The following DOT1L variants were observed in gnomAD, a reference collection of about 807,000 sequenced individuals.
DOT1L encodes histone-lysine N-methyltransferase, H3 lysine-79 specific.
A neutral mutation model predicts 153.3 loss-of-function variants in DOT1L; 33 were observed. The ratio of observed to expected loss-of-function variants is 0.22; its 90% CI spans 0.16 to 0.29. The LOEUF (loss-of-function observed/expected upper bound fraction) is 0.29. Among genes scored for constraint, DOT1L ranks in the 10% least tolerant of loss-of-function variants. The pLI is 1.00. For synonymous variants in DOT1L, 1,135 were observed against 965.1 expected (o/e 1.18, Z -3.26); for missense variants, 1,847 against 2,119.9 (o/e 0.87, Z 2.53).
intron 7 of DOT1L, among the ~76,000 whole-genome samples, chr19:2,198,749 C>T (rs2023126413): frequency 6.6e-6 from 1 of 152,230 alleles, no homozygotes. Flanking sequence ...GCATGAATCC[C>T]CTTCCTGTCT....
chr19:2,174,662 C>G (rs972837624), intron 1 of DOT1L, among the ~76,000 whole-genome samples: 11 of 151,994 alleles, frequency 7.2e-5, no homozygotes, highest in African/African-American at 2.7e-4. Context: ...GCTGTTCACC[C>G]AGGCTGGAGT....
chr19:2,192,510 T>C (rs1422440992), intron 5 of DOT1L, among the ~76,000 whole-genome samples: 2 of 151,574 alleles, frequency 1.3e-5, no homozygotes, highest in African/African-American at 4.9e-5. Context: ...TTCCCTCTAC[T>C]AAAAGTACAA....
rs904171137 is a variant in DOT1L at position 2,214,847 on chromosome 19, C to G, written c.1923+251C>G. Among the ~76,000 whole-genome samples the G allele has an allele frequency of 2.6e-5, 4 of 152,138 alleles. No homozygotes were observed. The South Asian group carries it at 8.3e-4, about 32-fold the overall frequency. ...GCTTGGCTGAATGCGCAGCGCTAAC[C>G]TAGGATTTCCTGATTTCCTGGCTGC... On this transcript the variant is annotated intron_variant, in intron 19 of 27. Coordinates refer to ENST00000398665, the MANE Select transcript of DOT1L (RefSeq NM_032482.3).
chr19:2,182,083 C>T (rs1218424106), intron 2 of DOT1L, among the ~76,000 whole-genome samples: 5 of 151,976 alleles, frequency 3.3e-5, no homozygotes, highest in Non-Finnish European at 5.9e-5. Flanking sequence ...AAAAATTAGC[C>T]GGGTGAGGTA....
intron 24 of DOT1L, among the ~76,000 whole-genome samples, chr19:2,223,062 G>A (rs1599617385): frequency 1.3e-5 from 2 of 151,986 alleles, no homozygotes; most frequent in Admixed American, 6.6e-5. Context: ...TAGTGGTGGT[G>A]GGCACATCAG....
intron 3 of DOT1L, among the ~76,000 whole-genome samples, chr19:2,187,901 G>A (rs527414266): frequency 1.3e-4 from 18 of 141,374 alleles, no homozygotes; most frequent in Non-Finnish European, 1.7e-4. Flanking sequence ...CAGCCTGGGT[G>A]ACAGAGCGAG....
In DOT1L at chr19:2,217,219, T is replaced by A; in HGVS notation, c.2544+129T>A. On this transcript the variant is annotated intron_variant, in intron 21 of 27. Coordinates refer to ENST00000398665, the MANE Select transcript of DOT1L (RefSeq NM_032482.3). This position sits in a 1 kb window ranked among gnomAD's most constrained non-coding sequence, Gnocchi z 7.3. Reference sequence around the variant, plus strand: ...GTGAGGTACTGGGGCTGACCTGGAGTAGGATGTTGTGGCAGAGTTGGGGGC... The same window carrying A: ...GTGAGGTACTGGGGCTGACCTGGAGAAGGATGTTGTGGCAGAGTTGGGGGC... The A allele has an allele frequency of 7.6e-7, 1 of 1,310,538 alleles. No individual in the cohort carries two copies. The highest frequency in any genetic ancestry group is 1.0e-6 in the Non-Finnish European group (1 of 992,210). The allele number at this position is 1,310,538 out of a possible 1,614,324, so 81.2% of individuals were successfully genotyped here.
At chr19:2,194,613 G>A (rs962949039) in intron 7 of DOT1L, 36 bp downstream of exon 7, 3 of 1,598,494 alleles carry the variant, frequency 1.9e-6, no homozygotes, top group African/African-American at 1.3e-5. Flanking sequence ...TCCCATCGCC[G>A]GCCCCACCCC....
chr19:2,224,460 T>G (rs1015542667), intron 25 of DOT1L, among the ~76,000 whole-genome samples: 3 of 151,266 alleles, frequency 2.0e-5, no homozygotes, highest in African/African-American at 7.3e-5. Context: ...TAGGGTTTTT[T>G]GCTTTTTTTT....
At chr19:2,210,340 G>A in intron 12 of DOT1L, 60 bp from the exon 13 acceptor site, 1 of 1,407,136 alleles carries the variant, frequency 7.1e-7, no homozygotes, top group Non-Finnish European at 9.4e-7. Flanking sequence ...GTGCCTCTCG[G>A]TGCAGGAGGG....
rs574807023 is a variant in DOT1L at position 2,201,415 on chromosome 19, T to G, written c.708-1285T>G. ...CATGCCTCTCGTCCTCCCCGCACCC[T>G]CGCTCCTGCTGTCTTCCCTGTGCTC... On this transcript the variant is annotated intron_variant, in intron 8 of 27. Transcript: ENST00000398665. Among the ~76,000 whole-genome samples the G allele has an allele frequency of 3.2e-4, 49 of 152,294 alleles. No individual in the cohort carries two copies. The South Asian group carries it at 0.01, about 32-fold the overall frequency.
intron 23 of DOT1L, chr19:2,221,691 G>A (rs1448199189): frequency 4.3e-6 from 2 of 466,936 alleles, no homozygotes; most frequent in African/African-American, 3.9e-5. Context: ...TCAGCGGGGA[G>A]CCCGCACCAG....
chr19:2,186,842 C>G (rs1217451075), intron 3 of DOT1L, among the ~76,000 whole-genome samples: 1 of 152,250 alleles, frequency 6.6e-6, no homozygotes, highest in African/African-American at 2.4e-5. Context: ...TCGCCACCCC[C>G]CCTCATTGGG....
At chr19:2,173,182 T>A (rs2021738596) in intron 1 of DOT1L, among the ~76,000 whole-genome samples, 1 of 151,926 alleles carries the variant, frequency 6.6e-6, no homozygotes, top group African/African-American at 2.4e-5. Flanking sequence ...AGTCCCGCGC[T>A]TTCCTCCTTC....
chr19:2,221,917 G>A, intron 23 of DOT1L, 59 bp from the exon 24 acceptor site: 2 of 1,493,146 alleles, frequency 1.3e-6, no homozygotes, highest in Non-Finnish European at 9.0e-7. Flanking sequence ...TGCTCCCACA[G>A]CAAGGCTTTC....
rs2144814504 is a variant in DOT1L at position 2,207,517 on chromosome 19, C to T, written c.857-57C>T. ...ACGCCTGCCCTGGGGTGGGTGAGGT[C>T]TGCATGGAGGGGCTGTGGGCAGGCG... On this transcript the variant is annotated intron_variant, in intron 10 of 27. Coordinates refer to ENST00000398665, the MANE Select transcript of DOT1L (RefSeq NM_032482.3). This position sits in a 1 kb window ranked among gnomAD's most constrained non-coding sequence, Gnocchi z 4.5. The T allele has an allele frequency of 1.3e-6, 2 of 1,495,288 alleles. No homozygotes were observed. Among genetic ancestry groups the T allele is most frequent in the South Asian group, 1.2e-5 (1 of 84,874 alleles). 92.6% of individuals were successfully genotyped at this position (1,495,288 alleles called of 1,614,324 possible).
intron 1 of DOT1L, among the ~76,000 whole-genome samples, chr19:2,166,475 C>T (rs1345217222): frequency 3.4e-5 from 5 of 146,608 alleles, no homozygotes; most frequent in Admixed American, 2.1e-4. Flanking sequence ...GCAGTGGTGC[C>T]ATCTCTGCTC....
At chr19:2,176,469 T>TA (rs1451492432) in intron 1 of DOT1L, among the ~76,000 whole-genome samples, 2 of 152,136 alleles carry the variant, frequency 1.3e-5, no homozygotes, top group African/African-American at 2.4e-5. Flanking sequence ...GAAGTACACT[T>TA]ACGTGGCCCC....
intron 27 of DOT1L, chr19:2,227,716 GT>G: frequency 7.7e-7 from 1 of 1,305,704 alleles, no homozygotes; most frequent in East Asian, 5.5e-5. Flanking sequence ...TTGAAGCTGC[GT>G]TTTTCTCTCC....
Sources: allele counts gnomAD v4.1 joint callset (sites outside exome capture counted in the v4.1 genomes callset), GRCh38; gene constraint gnomAD v4.1.1; non-coding constraint Gnocchi (gnomAD v3.1); transcripts MANE v1.5; gene names NCBI Gene and HGNC (gene_info 2026-07-23, HGNC 2026-07-21).